Variants in GPSM2 observed in about 807,000 individuals in gnomAD.
GPSM2 encodes G protein signaling modulator 2, also known as G protein-signaling modulator 2.
Under a neutral mutation model 78.4 loss-of-function variants are expected in GPSM2, and 58 were observed. The ratio of observed to expected loss-of-function variants is 0.74; its 90% CI spans 0.60 to 0.92. GPSM2 has a LOEUF of 0.92. Among genes scored for constraint, GPSM2 ranks in the 40% least tolerant of loss-of-function variants. The pLI is 0.00. For missense variants in GPSM2, 700 were observed against 815.5 expected (o/e 0.86, Z 1.73); for synonymous variants, 224 against 280.2 (o/e 0.80, Z 2.00).
At chr1:108,889,863 T>TTA (rs1358132766) in intron 2 of GPSM2, among the ~76,000 whole-genome samples, 2 of 152,188 alleles carry the variant, frequency 1.3e-5, no homozygotes, top group African/African-American at 4.8e-5. Context: ...CACAAGATCT[T>TTA]CATTATCTGG....
At chr1:108,905,207 C>T (rs1649123490) in intron 10 of GPSM2, among the ~76,000 whole-genome samples, 1 of 152,192 alleles carries the variant, frequency 6.6e-6, no homozygotes, top group South Asian at 2.1e-4. Context: ...CTGTGCTGAA[C>T]TTTCAAATAG....
chr1:108,911,252 G>C (rs1649718173), intron 10 of GPSM2, among the ~76,000 whole-genome samples: 1 of 152,294 alleles, frequency 6.6e-6, no homozygotes. Context: ...GGTCGGCTGA[G>C]TGTGGTAGGT....
intron 10 of GPSM2, among the ~76,000 whole-genome samples, chr1:108,907,438 A>G (rs1649325341): frequency 6.6e-6 from 1 of 152,214 alleles, no homozygotes; most frequent in Admixed American, 6.5e-5. Flanking sequence ...ATTCCAGGTC[A>G]TAAGCGTTTC....
intron 13 of GPSM2, among the ~76,000 whole-genome samples, chr1:108,923,375 T>TTG (rs201965948): frequency 0.031 from 4,779 of 152,260 alleles, 167 homozygotes; most frequent in African/African-American, 0.078. Context: ...AGAAAGGTCG[T>TTG]TATACATACC....
At chr1:108,896,664 C>T (rs1212710507) in intron 2 of GPSM2, among the ~76,000 whole-genome samples, 200 bp from the exon 3 acceptor site, 1 of 152,174 alleles carries the variant, frequency 6.6e-6, no homozygotes, top group Non-Finnish European at 1.5e-5. Context: ...TCTGAGCAGG[C>T]TCAGAGAAAT....
intron 10 of GPSM2, among the ~76,000 whole-genome samples, chr1:108,906,349 C>T (rs1649218536): frequency 1.3e-5 from 2 of 151,978 alleles, no homozygotes; most frequent in South Asian, 2.1e-4. Context: ...AGTAGCTGGC[C>T]TTGTTCCCTT....
At chr1:108,908,728 A>ACACACACACACACACACACACACACACAC (rs1649461870) in intron 10 of GPSM2, among the ~76,000 whole-genome samples, 10 of 148,464 alleles carry the variant, frequency 6.7e-5, no homozygotes, top group Admixed American at 6.6e-5. Flanking sequence ...TCAAAACACA[A>ACACACACACACACACACACACACACACAC]ACACACACAC....
chr1:108,880,322 C>A (rs931389146), intron 1 of GPSM2, among the ~76,000 whole-genome samples: 2 of 152,188 alleles, frequency 1.3e-5, no homozygotes, highest in Non-Finnish European at 2.9e-5. Flanking sequence ...GGGTCAGGTG[C>A]AGTGGCTCAC....
At chr1:108,884,270 A>G (rs1036364734) in intron 1 of GPSM2, among the ~76,000 whole-genome samples, 3 of 151,980 alleles carry the variant, frequency 2.0e-5, no homozygotes, top group Non-Finnish European at 4.4e-5. Context: ...TATTAATATC[A>G]GTGTTCATGG....
In GPSM2 at chr1:108,929,687, T is replaced by G; in HGVS notation, c.1816-14T>G. ...CCCACAGTATGTCTTTTAATCTCTC[T>G]CATAAACTTCTAGGGATCCAGATTA... On this transcript the variant is annotated splice_polypyrimidine_tract_variant and intron_variant, in intron 14 of 14. Transcript: ENST00000264126. 1 of 1,612,114 alleles carries G rather than the reference T, an allele frequency of 6.2e-7. No individual in the cohort carries two copies.
chr1:108,921,421 A>C (rs1230486509), intron 12 of GPSM2, among the ~76,000 whole-genome samples: 1 of 151,294 alleles, frequency 6.6e-6, no homozygotes, highest in African/African-American at 2.4e-5. Context: ...CTCCTCAAAA[A>C]AAAAAAAAAA....
chr1:108,906,814 T>C (rs1649269698), intron 10 of GPSM2, among the ~76,000 whole-genome samples: 1 of 152,104 alleles, frequency 6.6e-6, no homozygotes, highest in Non-Finnish European at 1.5e-5. Flanking sequence ...GGAGGAGGGT[T>C]TTGAGATGGA....
At chr1:108,921,813 C>T (rs1156653460) in intron 12 of GPSM2, among the ~76,000 whole-genome samples, 4 of 151,920 alleles carry the variant, frequency 2.6e-5, no homozygotes, top group South Asian at 2.1e-4. Flanking sequence ...TCCTCAGGCC[C>T]GTAACATTTT....
At chr1:108,901,522 G>A (rs892062544) in intron 7 of GPSM2, among the ~76,000 whole-genome samples, 4 of 152,108 alleles carry the variant, frequency 2.6e-5, no homozygotes, top group Admixed American at 2.0e-4. Context: ...AGAACCTCTT[G>A]ATTTTATGTT....
intron 1 of GPSM2, among the ~76,000 whole-genome samples, chr1:108,883,896 T>TTTGTTG (rs376686209): frequency 6.6e-6 from 1 of 151,602 alleles, no homozygotes; most frequent in Non-Finnish European, 1.5e-5. Context: ...ACATTGAGGG[T>TTTGTTG]TTGTTGTTGT....
rs1308993526 is a variant in GPSM2, at chr1:108,930,141, G to T, written c.*201G>T. ...TTTGAGGGTGGAGGGGTCCTGTAAG[G>T]TGCTTCATCGTCTGTGATTACTGCT... On this transcript the variant is annotated 3_prime_UTR_variant, in exon 15 of 15. Transcript: ENST00000264126. 15 of 568,136 alleles carry T rather than the reference G, an allele frequency of 2.6e-5. No homozygotes were observed. In the East Asian group the frequency reaches 4.3e-4, roughly 16 times the overall value. The allele number at this position is 568,136 out of a possible 1,614,324, so 35.2% of individuals were successfully genotyped here.
chr1:108,891,900 C>T (rs1352170568), intron 2 of GPSM2, among the ~76,000 whole-genome samples: 1 of 152,026 alleles, frequency 6.6e-6, no homozygotes, highest in Non-Finnish European at 1.5e-5. Context: ...TCATTTTCTT[C>T]CTTCTTATTC....
chr1:108,904,830 G>A lies in GPSM2; in HGVS notation c.1192+576G>A, dbSNP rs971025241. Among the ~76,000 whole-genome samples, 6 of 151,636 alleles carry A rather than the reference G, an allele frequency of 4.0e-5. 1 individual carries two copies. The highest frequency in any genetic ancestry group is 4.2e-4 in the South Asian group (2 of 4,800). On this transcript the variant is annotated intron_variant, in intron 10 of 14. Transcript: ENST00000264126. Reference sequence around the variant, plus strand: ...CCGATTTGTTTGACATTTCTATAGCGAGGAAATTTGCTATAATGTCTCTTT... The same window carrying A: ...CCGATTTGTTTGACATTTCTATAGCAAGGAAATTTGCTATAATGTCTCTTT...
At chr1:108,909,594 T>A (rs1221476739) in intron 10 of GPSM2, 1 of 152,024 alleles carries the variant, frequency 6.6e-6, no homozygotes, top group Non-Finnish European at 1.5e-5. Flanking sequence ...TAGAGCAAAA[T>A]TTATGTTGTA....
Sources: gnomAD v4.1 joint callset for allele counts (sites outside exome capture counted in the v4.1 genomes callset) on GRCh38, gnomAD v4.1.1 for gene constraint, MANE v1.5 for transcripts, NCBI Gene and HGNC (gene_info 2026-07-23, HGNC 2026-07-21) for gene names.